The following ATP2A2 variants were observed in gnomAD, a reference collection of about 807,000 sequenced individuals.
The protein encoded by ATP2A2 is ATPase sarcoplasmic/endoplasmic reticulum Ca2+ transporting 2, also known as sarcoplasmic/endoplasmic reticulum calcium ATPase 2.
In ATP2A2, 14 loss-of-function variants were observed where a neutral mutation model predicts 109.3. That is an observed-to-expected ratio of 0.13 (90% CI 0.08 to 0.20). The LOEUF (loss-of-function observed/expected upper bound fraction) is 0.20. Ranked by LOEUF, ATP2A2 falls within the 10% of genes least tolerant of loss-of-function variation. The probability of loss-of-function intolerance (pLI) is 1.00; values close to 1 mark genes in which losing one functional copy is unlikely to be tolerated. For synonymous variants in ATP2A2, 506 were observed against 490.9 expected, an observed-to-expected ratio of 1.03 and a Z score of -0.41; for missense variants, 657 against 1,321.6, an observed-to-expected ratio of 0.50 and a Z score of 7.80.
chr12:110,337,420 C>G (rs1878938417), intron 11 of ATP2A2, among the ~76,000 whole-genome samples: 1 of 152,224 alleles, frequency 6.6e-6, no homozygotes, highest in Admixed American at 6.5e-5. Context: ...TTGCGTGTTC[C>G]TTTAGTCATC....
At position 110,348,696 on chromosome 12, in the gene ATP2A2, C is replaced by A; in HGVS notation, c.*2226C>A. ...ACCAGCCTGGGCAACAGAGTGAGGC[C>A]CTGTCAAAAAAAAATCAGCCTTACT... On this transcript the variant is annotated 3_prime_UTR_variant, in exon 20 of 20. Transcript: ENST00000539276. 2.0e-6 allele frequency: 2 copies of A among 985,158 alleles called. No individual in the cohort carries two copies. Among genetic ancestry groups the A allele is most frequent in the Non-Finnish European group, 2.4e-6 (2 of 829,900 alleles). 61.0% of individuals were successfully genotyped at this position (985,158 alleles called of 1,614,324 possible). A position where few individuals can be genotyped will look rare whatever the true frequency, so the allele number is the denominator to read the frequency against.
intron 1 of ATP2A2, 131 bp from the exon 2 acceptor site, chr12:110,282,473 G>A (rs1400762898): frequency 5.6e-6 from 7 of 1,243,006 alleles, no homozygotes; most frequent in Non-Finnish European, 8.2e-6. Flanking sequence ...AGCTAGGTCT[G>A]TGTTTTAAAG....
chr12:110,324,927 A>T (rs1877627219), intron 6 of ATP2A2, among the ~76,000 whole-genome samples: 1 of 149,774 alleles, frequency 6.7e-6, no homozygotes, highest in South Asian at 2.1e-4. Context: ...AGTAATTCTC[A>T]TGCCTCAGCC....
chr12:110,308,424 G>A (rs1054364025), intron 5 of ATP2A2, among the ~76,000 whole-genome samples: 1 of 152,074 alleles, frequency 6.6e-6, no homozygotes, highest in Non-Finnish European at 1.5e-5. Context: ...AGTATACTCT[G>A]GTGACCTTTC....
Position 110,343,442 on chromosome 12 carries a change from C to T in ATP2A2, c.2521+8C>T, listed in dbSNP as rs1879545074. On this transcript the variant is annotated splice_region_variant and intron_variant, in intron 16 of 19. Coordinates refer to ENST00000539276, the MANE Select transcript of ATP2A2 (RefSeq NM_170665.4). The stretch of plus-strand genomic sequence containing the variant: ...GTTACTTGGCTATTGGCTGTGAGTA[C>T]AATTTTTTTATATTACTGATTTTTA... 1 of 1,613,568 alleles carries T rather than the reference C, an allele frequency of 6.2e-7. No homozygotes were observed. The highest frequency in any genetic ancestry group is 8.5e-7 in the Non-Finnish European group (1 of 1,179,510).
At chr12:110,280,679 G>A (rs1184866359), upstream of ATP2A2, 1 of 152,294 alleles carries the variant, frequency 6.6e-6, no homozygotes, top group Non-Finnish European at 1.5e-5. Context: ...GGTGTAGGAT[G>A]CGGTGTTCCC....
Position 110,348,702 on chromosome 12 carries a change from A to T in ATP2A2, c.*2232A>T, listed in dbSNP as rs1880117088. On this transcript the variant is annotated 3_prime_UTR_variant, in exon 20 of 20. Coordinates refer to ENST00000539276, the MANE Select transcript of ATP2A2 (RefSeq NM_170665.4). The stretch of plus-strand genomic sequence containing the variant: ...CTGGGCAACAGAGTGAGGCCCTGTC[A>T]AAAAAAAATCAGCCTTACTGTGAAG... The T allele has an allele frequency of 1.0e-6, 1 of 982,002 alleles. No homozygotes were observed. The highest frequency in any genetic ancestry group is 1.2e-6 in the Non-Finnish European group (1 of 827,282). The allele number at this position is 982,002 out of a possible 1,614,324, so 60.8% of individuals were successfully genotyped here.
chr12:110,340,561 T>C lies in ATP2A2; in HGVS notation c.1762-98T>C, dbSNP rs1592860678. ...CTCAAAAAAAAAAAAAGAAAAAAAA[T>C]GCAGAAACCTGTCTCAATGTTTAAC... On this transcript the variant is annotated intron_variant, in intron 13 of 19. Coordinates refer to ENST00000539276, the MANE Select transcript of ATP2A2 (RefSeq NM_170665.4). This position sits in a 1 kb window ranked among gnomAD's most constrained non-coding sequence, Gnocchi z 6.0. The C allele has an allele frequency of 7.6e-7, 1 of 1,314,754 alleles. No individual in the cohort carries two copies. The highest frequency in any genetic ancestry group is 1.1e-6 in the Non-Finnish European group (1 of 943,900). The allele number at this position is 1,314,754 out of a possible 1,614,324, so 81.4% of individuals were successfully genotyped here. A position where few individuals can be genotyped will look rare whatever the true frequency, so the allele number is the denominator to read the frequency against.
At chr12:110,285,205 T>C (rs758763076) in intron 3 of ATP2A2, among the ~76,000 whole-genome samples, 8 of 152,262 alleles carry the variant, frequency 5.3e-5, no homozygotes, top group Non-Finnish European at 1.2e-4. Flanking sequence ...GAAGCTATGC[T>C]TGTGACCTGT....
chr12:110,293,657 A>G lies in ATP2A2; in HGVS notation c.324+1533A>G, dbSNP rs188634056. Reference sequence around the variant, plus strand: ...TGATTCCCCCTGCCTTGGCCTCCCAAAGTGCTAGGATTACATGCGTGAGCC... The same window carrying G: ...TGATTCCCCCTGCCTTGGCCTCCCAGAGTGCTAGGATTACATGCGTGAGCC... On this transcript the variant is annotated intron_variant, in intron 4 of 19. Transcript: ENST00000539276. Among the ~76,000 whole-genome samples the G allele has an allele frequency of 7.9e-3, 1,198 of 151,770 alleles. 1 individual carries two copies. The highest frequency in any genetic ancestry group is 9.3e-3 in the Non-Finnish European group (635 of 67,930).
At position 110,349,189 on chromosome 12, in the gene ATP2A2, C is replaced by T. The variant is rs914206471; in HGVS notation, c.*2719C>T. 2.4e-5 allele frequency: 24 copies of T among 985,492 alleles called. No homozygotes were observed. The highest frequency in any genetic ancestry group is 2.3e-5 in the Non-Finnish European group (19 of 830,074). 61.0% of individuals were successfully genotyped at this position (985,492 alleles called of 1,614,324 possible). A position where few individuals can be genotyped will look rare whatever the true frequency, so the allele number is the denominator to read the frequency against. ...CTGAAGGCTTTGCTGGGTGAAAACA[C>T]TTCAGCATCTCCTCCTCAGGTCAAC... On this transcript the variant is annotated 3_prime_UTR_variant, in exon 20 of 20. Transcript: ENST00000539276.
At chr12:110,288,643 G>C (rs888364812) in intron 3 of ATP2A2, among the ~76,000 whole-genome samples, 19 of 152,128 alleles carry the variant, frequency 1.2e-4, no homozygotes, top group Non-Finnish European at 2.9e-5. Context: ...GACCTCAGGT[G>C]ATCTGCCCAC....
chr12:110,344,729 A>G (rs1313676900), intron 16 of ATP2A2, among the ~76,000 whole-genome samples, 157 bp from the exon 17 acceptor site: 2 of 152,204 alleles, frequency 1.3e-5, no homozygotes, highest in Non-Finnish European at 1.5e-5. Context: ...TGCTCTGGCT[A>G]CCAGGCGTGA....
At position 110,315,119 on chromosome 12, in the gene ATP2A2, G is replaced by A. The variant is rs952032741; in HGVS notation, c.464-7873G>A. On this transcript the variant is annotated intron_variant, in intron 5 of 19. Transcript: ENST00000539276. ...CTGACCTTGTGATCCGCCTGCCTCA[G>A]CCTTCCAGAGTGCTGGGATTACAGG... 3.3e-5 allele frequency among the ~76,000 whole-genome samples: 5 copies of A among 152,302 alleles called. No individual in the cohort carries two copies. The East Asian group carries it at 9.6e-4, about 29-fold the overall frequency.
chr12:110,344,566 C>T (rs1879661499), intron 16 of ATP2A2, among the ~76,000 whole-genome samples: 4 of 152,194 alleles, frequency 2.6e-5, no homozygotes. Context: ...CACTTGCAGC[C>T]TTGAAGTACT....
At position 110,349,956 on chromosome 12, in the gene ATP2A2, T is replaced by C; in HGVS notation, c.*3486T>C. The C allele has an allele frequency of 1.6e-6, 2 of 1,234,990 alleles. No individual in the cohort carries two copies. Among genetic ancestry groups the C allele is most frequent in the South Asian group, 3.6e-5 (2 of 55,330 alleles). 76.5% of individuals were successfully genotyped at this position (1,234,990 alleles called of 1,614,324 possible). On this transcript the variant is annotated 3_prime_UTR_variant, in exon 20 of 20. Transcript: ENST00000539276. ...TCACTTCTCCATCAACCTCACCCTC[T>C]GCACCACTAACCAAGACCTTGTCCT...
At position 110,348,160 on chromosome 12, in the gene ATP2A2, G is replaced by T; in HGVS notation, c.*1690G>T. ...CTGCCAGGAGTCATCCCAGAACATT[G>T]CTACTTATTTATTAAAAAGCTAAAA... is the stretch of plus-strand genomic sequence containing the variant. On this transcript the variant is annotated 3_prime_UTR_variant, in exon 20 of 20. Coordinates refer to ENST00000539276, the MANE Select transcript of ATP2A2 (RefSeq NM_170665.4). 1.0e-6 allele frequency: 1 copy of T among 985,454 alleles called. No individual in the cohort carries two copies. Among genetic ancestry groups the T allele is most frequent in the Non-Finnish European group, 1.2e-6 (1 of 829,958 alleles). 61.0% of individuals were successfully genotyped at this position (985,454 alleles called of 1,614,324 possible). A position where few individuals can be genotyped will look rare whatever the true frequency, so the allele number is the denominator to read the frequency against.
chr12:110,346,098 C>A lies in ATP2A2; in HGVS notation c.2839C>A (p.Leu947Ile). The A allele has an allele frequency of 6.2e-7, 1 of 1,614,182 alleles. No individual in the cohort carries two copies. The highest frequency in any genetic ancestry group is 8.5e-7 in the Non-Finnish European group (1 of 1,180,036). ...CLSMSLHFLI[L>I]YVEPLPLIFQ... ...GTCCATGTCACTCCACTTCCTGATC[C>A]TCTATGTCGAACCCTTGCCAGTAAG... Residue 947 changes from leucine to isoleucine, a missense_variant, in exon 19 of 20, where the codon CTC becomes ATC. By Grantham distance (5) the Leu-to-Ile change is conservative (BLOSUM62 2). This residue lies in a region of ATP2A2 where 125 missense variants were observed against 243.5 expected (regional missense o/e 0.51). Coordinates refer to ENST00000539276, the MANE Select transcript of ATP2A2 (RefSeq NM_170665.4).
intron 5 of ATP2A2, among the ~76,000 whole-genome samples, chr12:110,306,081 C>G (rs938139330): frequency 6.6e-6 from 1 of 152,188 alleles, no homozygotes; most frequent in African/African-American, 2.4e-5. Context: ...ACCGCTATGA[C>G]AGGCTGGAGT....
Sources: allele counts gnomAD v4.1 joint callset (sites outside exome capture counted in the v4.1 genomes callset), GRCh38; gene constraint gnomAD v4.1.1; regional missense constraint gnomAD v4.1.1; non-coding constraint Gnocchi (gnomAD v3.1); transcripts MANE v1.5; gene names NCBI Gene and HGNC (gene_info 2026-07-23, HGNC 2026-07-21).